The following ZNF502 variants were observed in gnomAD, a reference collection of about 807,000 sequenced individuals.
ZNF502 encodes zinc finger protein 502.
Under a neutral mutation model 43.6 loss-of-function variants are expected in ZNF502, and 29 were observed. The observed-to-expected ratio is 0.67, with a 90% CI of 0.50 to 0.91. The LOEUF is 0.91. Among genes scored for constraint, ZNF502 ranks in the 40% least tolerant of loss-of-function variants. The pLI is 0.00. For synonymous variants in ZNF502, 171 were observed against 207.4 expected (o/e 0.82, Z 1.51); for missense variants, 591 against 647.2 (o/e 0.91, Z 0.94).
In ZNF502 at chr3:44,714,386, C is replaced by G. The variant is rs544967733; in HGVS notation, c.-60+1646C>G. On this transcript the variant is annotated intron_variant, in intron 1 of 2. Coordinates refer to ENST00000436624, the MANE Select transcript of ZNF502 (RefSeq NM_001134442.3). Reference sequence around the variant, plus strand: ...ATTACTTTCTGGGCAACTTATAGACCTAGGAGTCAGCAAATATGGACCAAA... The same window carrying G: ...ATTACTTTCTGGGCAACTTATAGACGTAGGAGTCAGCAAATATGGACCAAA... Among the ~76,000 whole-genome samples, 9 of 152,276 alleles carry G rather than the reference C, an allele frequency of 5.9e-5. No homozygotes were observed. The East Asian group carries it at 1.7e-3, about 29-fold the overall frequency.
intron 1 of ZNF502, among the ~76,000 whole-genome samples, chr3:44,717,823 GT>G (rs375939341): frequency 0.017 from 2,543 of 150,780 alleles, 47 homozygotes; most frequent in African/African-American, 0.039. Context: ...CTTAATTTTT[GT>G]TTTTTTTTGT....
In ZNF502 at chr3:44,717,125, T is replaced by C. The variant is rs537491328; in HGVS notation, c.-59-3078T>C. On this transcript the variant is annotated intron_variant, in intron 1 of 2. Coordinates refer to ENST00000436624, the MANE Select transcript of ZNF502 (RefSeq NM_001134442.3). Reference sequence around the variant, plus strand: ...GAATGAATTATTGGTCATACTTTATTTTGTGGTTTTACTTTTTTTATTTAA... The same window carrying C: ...GAATGAATTATTGGTCATACTTTATCTTGTGGTTTTACTTTTTTTATTTAA... Among the ~76,000 whole-genome samples, 3 of 152,322 alleles carry C rather than the reference T, an allele frequency of 2.0e-5. No homozygotes were observed. The East Asian group carries it at 5.8e-4, about 29-fold the overall frequency.
intron 1 of ZNF502, among the ~76,000 whole-genome samples, chr3:44,716,570 C>G (rs757379158): frequency 2.6e-5 from 4 of 152,172 alleles, no homozygotes; most frequent in African/African-American, 9.7e-5. Context: ...GCATTCTGTT[C>G]TGAATTCCTG....
intron 2 of ZNF502, among the ~76,000 whole-genome samples, chr3:44,720,607 T>A (rs1054636317): frequency 5.9e-5 from 9 of 152,222 alleles, no homozygotes; most frequent in Admixed American, 3.9e-4. Context: ...GGGTGTTGTT[T>A]TTCATTTATC....
At position 44,721,761 on chromosome 3, in the gene ZNF502, G is replaced by C; in HGVS notation, c.944G>C (p.Arg315Thr). 3.1e-6 allele frequency: 5 copies of C among 1,613,536 alleles called. No individual in the cohort carries two copies. Among genetic ancestry groups the C allele is most frequent in the Non-Finnish European group, 4.2e-6 (5 of 1,179,696 alleles). ...RKHSNLTQHQ[R>T]IHTGEKPHKC... The stretch of plus-strand genomic sequence containing the variant: ...CACTCAAATCTTACGCAACATCAGA[G>C]AATTCACACTGGGGAAAAACCCCAT... Residue 315 changes from arginine to threonine, a missense_variant, in exon 3 of 3, where the codon AGA becomes ACA. Coordinates refer to ENST00000436624, the MANE Select transcript of ZNF502 (RefSeq NM_001134442.3).
Position 44,722,627 on chromosome 3 carries a change from G to C in ZNF502, c.*175G>C. On this transcript the variant is annotated 3_prime_UTR_variant, in exon 3 of 3. Transcript: ENST00000436624. ...AGCTTAGGGAATGCAGAGCCTACTT[G>C]AGGTGGGCATCTGGGAATACAGGGT... is the stretch of plus-strand genomic sequence containing the variant. The C allele has an allele frequency of 1.3e-6, 1 of 772,594 alleles. No homozygotes were observed. The highest frequency in any genetic ancestry group is 2.0e-6 in the Non-Finnish European group (1 of 503,038). 47.9% of individuals were successfully genotyped at this position (772,594 alleles called of 1,614,324 possible). A position where few individuals can be genotyped will look rare whatever the true frequency, so the allele number is the denominator to read the frequency against.
chr3:44,713,586 GT>G (rs61232925), intron 1 of ZNF502, among the ~76,000 whole-genome samples: 29 of 145,086 alleles, frequency 2.0e-4, no homozygotes, highest in African/African-American at 4.0e-4. Flanking sequence ...TTTTTGGTTT[GT>G]TTTTTTTTTT....
chr3:44,718,521 GTT>G (rs1704210700), intron 1 of ZNF502, among the ~76,000 whole-genome samples: 1 of 152,158 alleles, frequency 6.6e-6, no homozygotes, highest in African/African-American at 2.4e-5. Flanking sequence ...TTAGGGTTCT[GTT>G]TGAACTGGCT....
chr3:44,716,487 G>A (rs904142326), intron 1 of ZNF502, among the ~76,000 whole-genome samples: 1 of 152,156 alleles, frequency 6.6e-6, no homozygotes, highest in African/African-American at 2.4e-5. Context: ...ACTGCGCCCA[G>A]CCGAATATAG....
Position 44,720,216 on chromosome 3 carries a change from C to T in ZNF502, c.-46C>T, listed in dbSNP as rs1014839153. ...CCCCATGAGCAGGGTTCCCAGTTTT[C>T]CAGACCTGAAGTGTTTTCCAATCAA... On this transcript the variant is annotated 5_prime_UTR_variant, in exon 2 of 3. Coordinates refer to ENST00000436624, the MANE Select transcript of ZNF502 (RefSeq NM_001134442.3). 3 of 1,611,062 alleles carry T rather than the reference C, an allele frequency of 1.9e-6. No individual in the cohort carries two copies. The highest frequency in any genetic ancestry group is 2.5e-6 in the Non-Finnish European group (3 of 1,177,244).
At position 44,721,710 on chromosome 3, in the gene ZNF502, G is replaced by A; in HGVS notation, c.893G>A (p.Ser298Asn). ...ACTGGTGAGAAGCCTTACATATGCA[G>A]TGAATGTGGCTCTTCTTTTCGAAAA... ...IHTGEKPYIC[S>N]ECGSSFRKHS... The change falls in exon 3 of 3, where the codon AGT becomes AAT. Residue 298 changes from serine (S) to asparagine (N), a missense_variant. Coordinates refer to ENST00000436624, the MANE Select transcript of ZNF502 (RefSeq NM_001134442.3). The A allele has an allele frequency of 6.2e-7, 1 of 1,612,702 alleles. No individual in the cohort carries two copies. Among genetic ancestry groups the A allele is most frequent in the Non-Finnish European group, 8.5e-7 (1 of 1,179,078 alleles).
chr3:44,719,753 C>A (rs1045355938), intron 1 of ZNF502, among the ~76,000 whole-genome samples: 5 of 152,184 alleles, frequency 3.3e-5, no homozygotes, highest in African/African-American at 9.7e-5. Flanking sequence ...AGCTCCTTGG[C>A]ATTTGGTAGA....
At chr3:44,718,562 G>A (rs958877459) in intron 1 of ZNF502, among the ~76,000 whole-genome samples, 1 of 152,096 alleles carries the variant, frequency 6.6e-6, no homozygotes, top group African/African-American at 2.4e-5. Context: ...CTCATTTCTG[G>A]TGTTTAATAC....
chr3:44,716,453 C>G (rs6441865), intron 1 of ZNF502, among the ~76,000 whole-genome samples: 150,351 of 152,194 alleles, frequency 0.99, 74,269 homozygotes, highest in East Asian at 1. Context: ...GCCTCCCAGA[C>G]TGCTGGGATT....
At chr3:44,717,405 C>CTT (rs34497930) in intron 1 of ZNF502, among the ~76,000 whole-genome samples, 613 of 75,932 alleles carry the variant, frequency 8.1e-3, no homozygotes, top group Non-Finnish European at 0.011. Flanking sequence ...GTGATGCAAT[C>CTT]TTTTTTTTTT....
intron 1 of ZNF502, among the ~76,000 whole-genome samples, chr3:44,716,188 CT>C (rs545864492): frequency 2.5e-3 from 350 of 138,618 alleles, no homozygotes; most frequent in Middle Eastern, 3.8e-3. Context: ...AGAATATAGT[CT>C]TTTTTTTTTT....
chr3:44,722,185 T>C lies in ZNF502; in HGVS notation c.1368T>C (p.Ile456=), dbSNP rs747089511. The C allele has an allele frequency of 1.2e-6, 2 of 1,614,196 alleles. No homozygotes were observed. The highest frequency in any genetic ancestry group is 2.2e-5 in the South Asian group (2 of 91,086). ...QNTCLTQHMR[I]HTGEKPYKCK... Reference sequence around the variant, plus strand: ...CCTGCCTCACTCAGCATATGAGAATTCATACTGGAGAGAAGCCCTATAAAT... The same window carrying C: ...CCTGCCTCACTCAGCATATGAGAATCCATACTGGAGAGAAGCCCTATAAAT... Residue 456 remains isoleucine, a synonymous_variant, in exon 3 of 3, where the codon ATT becomes ATC. Coordinates refer to ENST00000436624, the MANE Select transcript of ZNF502 (RefSeq NM_001134442.3).
At chr3:44,713,274 C>T (rs1359838741) in intron 1 of ZNF502, among the ~76,000 whole-genome samples, 2 of 152,186 alleles carry the variant, frequency 1.3e-5, no homozygotes, top group African/African-American at 2.4e-5. Flanking sequence ...CAGTTGACAG[C>T]TTGTATGTGA....
rs1280512750 is a variant in ZNF502, at chr3:44,721,895, T to G, written c.1078T>G (p.Phe360Val). Residue 360 changes from phenylalanine to valine, a missense_variant, in exon 3 of 3, where the codon TTT becomes GTT. Transcript: ENST00000436624. ...TAAATGTAAAGAATGTGGCAAAGCC[T>G]TTTGTCAGAGCCCATCTCTTATTAA... Reference protein sequence around the residue: ...PYKCKECGKAFCQSPSLIKHQ... With the variant: ...PYKCKECGKAVCQSPSLIKHQ... 6.2e-7 allele frequency: 1 copy of G among 1,613,884 alleles called. No homozygotes were observed. Among genetic ancestry groups the G allele is most frequent in the Admixed American group, 1.7e-5 (1 of 59,974 alleles).
Sources: allele counts gnomAD v4.1 joint callset (sites outside exome capture counted in the v4.1 genomes callset), GRCh38; gene constraint gnomAD v4.1.1; transcripts MANE v1.5; gene names NCBI Gene and HGNC (gene_info 2026-07-23, HGNC 2026-07-21).